Variants in HHIP observed in about 807,000 individuals in gnomAD.
The protein encoded by HHIP is hedgehog-interacting protein.
A neutral mutation model predicts 74.0 loss-of-function variants in HHIP; 12 were observed. The ratio of observed to expected loss-of-function variants is 0.16; its 90% CI spans 0.10 to 0.26. HHIP has a LOEUF of 0.26. Among genes scored for constraint, HHIP ranks in the 10% least tolerant of loss-of-function variants. The pLI is 1.00. For synonymous variants in HHIP, 309 were observed against 311.6 expected, an observed-to-expected ratio of 0.99 and a Z score of 0.09; for missense variants, 788 against 845.0, an observed-to-expected ratio of 0.93 and a Z score of 0.84.
rs1408119569 is a variant in HHIP at position 144,715,296 on chromosome 4, G to A, written c.1548-4G>A. 6.2e-6 allele frequency: 10 copies of A among 1,611,452 alleles called. No homozygotes were observed. The highest frequency in any genetic ancestry group is 2.7e-5 in the African/African-American group (2 of 74,818). Reference sequence around the variant, plus strand: ...TGTAGCTTTATGGTATGTTTCTGTTGTAGGAATTTCCTAACTCTCCAGCAA... The same window carrying A: ...TGTAGCTTTATGGTATGTTTCTGTTATAGGAATTTCCTAACTCTCCAGCAA... On this transcript the variant is annotated splice_polypyrimidine_tract_variant and splice_region_variant and intron_variant, in intron 9 of 12. Transcript: ENST00000296575.
chr4:144,729,936 T>C (rs1304530589), intron 11 of HHIP, among the ~76,000 whole-genome samples: 3 of 152,218 alleles, frequency 2.0e-5, no homozygotes, highest in Admixed American at 6.5e-5. Flanking sequence ...AATAGATTTC[T>C]GCAGTGCTCA....
At chr4:144,653,692 A>G (rs1812175) in intron 2 of HHIP, among the ~76,000 whole-genome samples, 119,941 of 151,962 alleles carry the variant, frequency 0.79, 47,656 homozygotes, top group South Asian at 0.87. Context: ...AGAATGCACC[A>G]AGAGAATTTT....
At chr4:144,658,658 T>C in intron 2 of HHIP, 132 bp from the exon 3 acceptor site, 1 of 679,950 alleles carries the variant, frequency 1.5e-6, no homozygotes. Flanking sequence ...ACTGTTTTTA[T>C]TTCAGTCTAG....
chr4:144,734,328 A>G (rs1731047394), intron 11 of HHIP, among the ~76,000 whole-genome samples: 2 of 152,244 alleles, frequency 1.3e-5, no homozygotes, highest in Admixed American at 1.3e-4. Context: ...TGTGTCAATA[A>G]CAAGTGAAAC....
intron 8 of HHIP, 38 bp from the exon 9 acceptor site, chr4:144,714,187 A>G (rs1303505193): frequency 6.3e-7 from 1 of 1,581,696 alleles, no homozygotes; most frequent in Non-Finnish European, 8.7e-7. Context: ...CTTTATGAAA[A>G]TATGTTTCAT....
chr4:144,699,258 C>T (rs1729910233), intron 4 of HHIP, among the ~76,000 whole-genome samples: 1 of 152,068 alleles, frequency 6.6e-6, no homozygotes, highest in Non-Finnish European at 1.5e-5. Flanking sequence ...TAGAATGACT[C>T]ATAGAACACA....
rs1381923189 is a variant in HHIP, at chr4:144,708,277, G to A, written c.1267G>A (p.Glu423Lys). 6.2e-7 allele frequency: 1 copy of A among 1,614,064 alleles called. No homozygotes were observed. The highest frequency in any genetic ancestry group is 8.5e-7 in the Non-Finnish European group (1 of 1,180,010). The change falls in exon 7 of 13, where the codon GAA becomes AAA. Residue 423 changes from glutamate to lysine, a missense_variant. This residue lies in a region of HHIP where 343 missense variants were observed against 347.9 expected (regional missense o/e 0.99). Coordinates refer to ENST00000296575, the MANE Select transcript of HHIP (RefSeq NM_022475.3). ...CTTCAACAGCACCAACCAGCCCCCC[G>A]AAGTGTTTGCTCATGGGCTCCACGA... is the stretch of plus-strand genomic sequence containing the variant. ...PHFNSTNQPP[E>K]VFAHGLHDPG...
intron 11 of HHIP, among the ~76,000 whole-genome samples, chr4:144,731,248 T>G (rs1372452472): frequency 6.6e-6 from 1 of 152,174 alleles, no homozygotes; most frequent in Non-Finnish European, 1.5e-5. Flanking sequence ...ATATTCTTAT[T>G]AATTTCATTC....
chr4:144,725,168 G>C (rs769351793), intron 11 of HHIP, among the ~76,000 whole-genome samples: 4 of 152,116 alleles, frequency 2.6e-5, no homozygotes, highest in Non-Finnish European at 5.9e-5. Flanking sequence ...TGTTGCATTA[G>C]ATATGTCTGA....
chr4:144,728,674 C>A (rs1730865234), intron 11 of HHIP, among the ~76,000 whole-genome samples: 1 of 152,052 alleles, frequency 6.6e-6, no homozygotes, highest in Non-Finnish European at 1.5e-5. Flanking sequence ...ACTCTTAAAA[C>A]ATTTAATTTC....
intron 4 of HHIP, among the ~76,000 whole-genome samples, chr4:144,700,779 T>C (rs1255613760): frequency 6.6e-6 from 1 of 152,234 alleles, no homozygotes; most frequent in Non-Finnish European, 1.5e-5. Context: ...GAGACCCATG[T>C]TGAACTCTAA....
At chr4:144,649,278 A>C (rs2126572375) in intron 1 of HHIP, among the ~76,000 whole-genome samples, 1 of 152,224 alleles carries the variant, frequency 6.6e-6, no homozygotes, top group South Asian at 2.1e-4. Flanking sequence ...GCTTTTCAAG[A>C]AACTACAGTA....
At chr4:144,670,719 A>AC (rs1297988180) in intron 4 of HHIP, among the ~76,000 whole-genome samples, 1 of 150,066 alleles carries the variant, frequency 6.7e-6, no homozygotes, top group African/African-American at 2.4e-5. Context: ...AAAAAAAAAA[A>AC]AACAAACAAG....
chr4:144,683,954 T>C (rs1729411969), intron 4 of HHIP, among the ~76,000 whole-genome samples: 1 of 151,838 alleles, frequency 6.6e-6, no homozygotes, highest in Admixed American at 6.6e-5. Context: ...TCTCAGCTAC[T>C]TGGGAGGCTG....
chr4:144,665,036 T>C (rs949166172), intron 4 of HHIP, among the ~76,000 whole-genome samples: 1 of 152,218 alleles, frequency 6.6e-6, no homozygotes, highest in Admixed American at 6.5e-5. Flanking sequence ...ATAAACAAAA[T>C]GCAGATTGCA....
At chr4:144,723,797 C>G (rs1730713226) in intron 11 of HHIP, among the ~76,000 whole-genome samples, 1 of 152,166 alleles carries the variant, frequency 6.6e-6, no homozygotes, top group African/African-American at 2.4e-5. Context: ...TTTCTTAACA[C>G]TAGAGGTCAT....
chr4:144,714,348 G>T lies in HHIP; in HGVS notation c.1547G>T (p.Gly516Val). The T allele has an allele frequency of 6.2e-7, 1 of 1,613,052 alleles. No homozygotes were observed. The highest frequency in any genetic ancestry group is 8.5e-7 in the Non-Finnish European group (1 of 1,179,368). The part of the protein sequence containing the change: ...YGSYVFGDRN[G>V]NFLTLQQSPV... ...AGCTACGTGTTTGGAGATCGTAATG[G>T]GTAGGTTTCCTGATACCACAACAGT... is the stretch of plus-strand genomic sequence containing the variant. Residue 516 changes from glycine to valine, a missense_variant and splice_region_variant, in exon 9 of 13, where the codon GGG (glycine) becomes GTG (valine). Physicochemically the swap from Gly to Val is moderately radical, Grantham distance 109 (BLOSUM62 -3). Transcript: ENST00000296575.
At chr4:144,658,727 C>G in intron 2 of HHIP, 63 bp from the exon 3 acceptor site, 1 of 1,357,290 alleles carries the variant, frequency 7.4e-7, no homozygotes, top group Admixed American at 2.1e-5. Context: ...TTATATCTTT[C>G]AAATAAGGTG....
chr4:144,688,930 A>G (rs1474704796), intron 4 of HHIP, among the ~76,000 whole-genome samples: 2 of 152,234 alleles, frequency 1.3e-5, no homozygotes, highest in Admixed American at 6.5e-5. Context: ...TATAAATGTC[A>G]TCTAGGGACG....
Sources: gnomAD v4.1 joint callset for allele counts (sites outside exome capture counted in the v4.1 genomes callset) on GRCh38, gnomAD v4.1.1 for gene constraint, gnomAD v4.1.1 regional missense constraint, MANE v1.5 for transcripts, NCBI Gene and HGNC (gene_info 2026-07-23, HGNC 2026-07-21) for gene names.